The following ADAMTS7 variants were observed in gnomAD, a reference collection of about 807,000 sequenced individuals.
ADAMTS7 encodes the protein A disintegrin and metalloproteinase with thrombospondin motifs 7.
In ADAMTS7, 89 loss-of-function variants were observed where a neutral mutation model predicts 172.6. That is an observed-to-expected ratio of 0.52 (90% CI 0.43 to 0.61). The LOEUF is 0.61. ADAMTS7 is among the 20% of genes least tolerant of loss of function. ADAMTS7 has a pLI of 0.00. For synonymous variants in ADAMTS7, 885 were observed against 978.4 expected (o/e 0.90, Z 1.78); for missense variants, 1,973 against 2,355.6 (o/e 0.84, Z 3.36).
At chr15:78,792,597 C>T (rs543581405) in intron 4 of ADAMTS7, among the ~76,000 whole-genome samples, 48 of 152,334 alleles carry the variant, frequency 3.2e-4, no homozygotes, top group African/African-American at 1.2e-3. Context: ...CCCCTTGCCT[C>T]TGAGGTCAGG....
intron 13 of ADAMTS7, among the ~76,000 whole-genome samples, chr15:78,773,508 C>T (rs1430503843): frequency 6.6e-6 from 1 of 151,738 alleles, no homozygotes; most frequent in African/African-American, 2.4e-5. Flanking sequence ...GGATCTGACA[C>T]GCCACGGGCT....
intron 1 of ADAMTS7, among the ~76,000 whole-genome samples, chr15:78,801,823 G>A (rs944115672): frequency 1.3e-5 from 2 of 151,980 alleles, no homozygotes; most frequent in East Asian, 1.9e-4. Flanking sequence ...GACTACAGGT[G>A]GGTGCCACCA....
At chr15:78,801,192 A>C (rs1394383184) in intron 1 of ADAMTS7, among the ~76,000 whole-genome samples, 2 of 151,972 alleles carry the variant, frequency 1.3e-5, no homozygotes, top group Non-Finnish European at 2.9e-5. Flanking sequence ...TCATCGTCTT[A>C]CTCTACTCAT....
intron 4 of ADAMTS7, among the ~76,000 whole-genome samples, chr15:78,796,362 C>T (rs2055642928): frequency 6.6e-6 from 1 of 152,146 alleles, no homozygotes; most frequent in Non-Finnish European, 1.5e-5. Context: ...TGGCATGACA[C>T]CCTATGGTGT....
rs1596200151 is a variant in ADAMTS7 at position 78,800,401 on chromosome 15, C to G, written c.247G>C (p.Glu83Gln). ...SVRRDAPAFY[E>Q]LQYRGRELRF... ...AGCTCGCGCCCGCGGTATTGTAGCTCGTAGAAGGCGGGCGCGTCTCGGCGC... is the reference window on the plus strand; with the variant it reads ...AGCTCGCGCCCGCGGTATTGTAGCTGGTAGAAGGCGGGCGCGTCTCGGCGC... The change falls in exon 2 of 24, where the codon GAG (glutamate) becomes CAG (glutamine). Residue 83 changes from glutamate to glutamine, a missense_variant. Glu to Gln is a conservative substitution (Grantham distance 29). This residue lies in a region of ADAMTS7 where 306 missense variants were observed against 288.0 expected (regional missense o/e 1.06). Transcript: ENST00000388820. 2.5e-6 allele frequency: 4 copies of G among 1,608,792 alleles called. No homozygotes were observed. Among genetic ancestry groups the G allele is most frequent in the Non-Finnish European group, 2.5e-6 (3 of 1,177,978 alleles).
intron 8 of ADAMTS7, among the ~76,000 whole-genome samples, chr15:78,781,134 G>C (rs1355174371): frequency 6.6e-6 from 1 of 152,210 alleles, no homozygotes; most frequent in Non-Finnish European, 1.5e-5. Context: ...ATGAGAGGGT[G>C]GTCTGTGAGT....
In ADAMTS7 at chr15:78,811,441, C is replaced by G. The variant is rs1403769826; in HGVS notation, c.-221G>C. 8 of 379,770 alleles carry G rather than the reference C, an allele frequency of 2.1e-5. No homozygotes were observed. The East Asian group carries it at 3.3e-4, about 15-fold the overall frequency. 23.5% of individuals were successfully genotyped at this position (379,770 alleles called of 1,614,324 possible). On this transcript the variant is annotated 5_prime_UTR_variant, in exon 1 of 24. Coordinates refer to ENST00000388820, the MANE Select transcript of ADAMTS7 (RefSeq NM_014272.5). Reference sequence around the variant, plus strand: ...CAGAGGCAAAGAAAAGACAAGAGAGCTAGAAGGAGAGAAAGAAAGAAAGAA... The same window carrying G: ...CAGAGGCAAAGAAAAGACAAGAGAGGTAGAAGGAGAGAAAGAAAGAAAGAA...
rs760839323 is a variant in ADAMTS7 at position 78,776,195 on chromosome 15, G to A, written c.1699C>T (p.Gln567Ter). 16 of 1,610,300 alleles carry A rather than the reference G, an allele frequency of 9.9e-6. No homozygotes were observed. Among genetic ancestry groups the A allele is most frequent in the East Asian group, 8.9e-5 (4 of 44,852 alleles). The change falls in exon 11 of 24, where the codon CAG becomes TAG. Residue 567 changes from glutamine (Q) to a stop codon, truncating the protein, a stop_gained. Coordinates refer to ENST00000388820, the MANE Select transcript of ADAMTS7 (RefSeq NM_014272.5). LOFTEE classifies it high-confidence loss of function. ...GVQSAERQCT[Q>*]PTPKYKGRYC... Reference sequence around the variant, plus strand: ...CCTGGGCCCCACACTCACGTAGGCTGCGTGCACTGCCGCTCGGCGCTCTGT... The same window carrying A: ...CCTGGGCCCCACACTCACGTAGGCTACGTGCACTGCCGCTCGGCGCTCTGT...
intron 19 of ADAMTS7, 109 bp downstream of exon 19, chr15:78,765,536 G>A: frequency 1.3e-6 from 2 of 1,534,746 alleles, no homozygotes; most frequent in South Asian, 2.4e-5. Context: ...CCTGCCCCAA[G>A]AGAGGCTAGA....
intron 8 of ADAMTS7, among the ~76,000 whole-genome samples, chr15:78,784,075 A>G (rs2055468563): frequency 6.6e-6 from 1 of 152,144 alleles, no homozygotes; most frequent in Non-Finnish European, 1.5e-5. Context: ...CCCCTAGAAA[A>G]TAGAAACAGG....
intron 1 of ADAMTS7, 102 bp downstream of exon 1, chr15:78,811,019 G>A: frequency 8.6e-7 from 1 of 1,161,904 alleles, no homozygotes; most frequent in East Asian, 3.2e-5. Context: ...AGGCACAGCG[G>A]AGCCGGCGCG....
intron 17 of ADAMTS7, 129 bp from the exon 18 acceptor site, chr15:78,767,721 T>C: frequency 1.2e-6 from 1 of 860,796 alleles, no homozygotes; most frequent in East Asian, 2.7e-5. Flanking sequence ...AGGCCAGTGG[T>C]TGATTCTCCA....
Position 78,759,337 on chromosome 15 carries a change from C to A in ADAMTS7, c.*84G>T. The stretch of plus-strand genomic sequence containing the variant: ...CTGGGTAGTGAGAGGGGGTTAGCAC[C>A]ATTAGGGCGCAGGGGGCGGGAGCTC... On this transcript the variant is annotated 3_prime_UTR_variant, in exon 24 of 24. Coordinates refer to ENST00000388820, the MANE Select transcript of ADAMTS7 (RefSeq NM_014272.5). The A allele has an allele frequency of 7.1e-7, 1 of 1,411,086 alleles. No homozygotes were observed. 87.4% of individuals were successfully genotyped at this position (1,411,086 alleles called of 1,614,324 possible).
intron 7 of ADAMTS7, 40 bp downstream of exon 7, chr15:78,789,649 A>G: frequency 6.2e-7 from 1 of 1,609,030 alleles, no homozygotes; most frequent in Non-Finnish European, 8.5e-7. Context: ...GCGAGGGTGA[A>G]GCTCGGCTCT....
rs140245039 is a variant in ADAMTS7 at position 78,777,582 on chromosome 15, C to A, written c.1329G>T (p.Gly443=). ...RQYITRFLDR[G]WGLCLDDPPA... ...GAGGGTCGTCCAGGCACAGGCCCCA[C>A]CCACGGCTAAAGATGGGACGGGAGG... is the stretch of plus-strand genomic sequence containing the variant. Residue 443 remains glycine (G), a synonymous_variant, in exon 9 of 24, where the codon GGG becomes GGT. Coordinates refer to ENST00000388820, the MANE Select transcript of ADAMTS7 (RefSeq NM_014272.5). The A allele has an allele frequency of 6.2e-7, 1 of 1,604,524 alleles. No individual in the cohort carries two copies. The highest frequency in any genetic ancestry group is 8.5e-7 in the Non-Finnish European group (1 of 1,175,760).
intron 1 of ADAMTS7, among the ~76,000 whole-genome samples, chr15:78,802,644 T>C (rs1596201579): frequency 6.6e-6 from 1 of 152,214 alleles, no homozygotes; most frequent in Non-Finnish European, 1.5e-5. Context: ...TGGATTCTTA[T>C]CCTTTTTTGC....
At chr15:78,805,288 T>C (rs1032525412) in intron 1 of ADAMTS7, among the ~76,000 whole-genome samples, 3 of 152,246 alleles carry the variant, frequency 2.0e-5, no homozygotes, top group Admixed American at 6.5e-5. Flanking sequence ...TTTTTTGGTT[T>C]GTTTTGGCTG....
At position 78,800,517 on chromosome 15, in the gene ADAMTS7, T is replaced by A; in HGVS notation, c.131A>T (p.Asp44Val). 6.2e-7 allele frequency: 1 copy of A among 1,605,128 alleles called. No homozygotes were observed. The highest frequency in any genetic ancestry group is 8.5e-7 in the Non-Finnish European group (1 of 1,176,516). The change falls in exon 2 of 24, where the codon GAC (aspartate) becomes GTC (valine). Residue 44 changes from aspartate (D) to valine (V), a missense_variant. Coordinates refer to ENST00000388820, the MANE Select transcript of ADAMTS7 (RefSeq NM_014272.5). ...GRATEGRAAL[D>V]IVHPVRVDAG... ...GTCGACTCGAACCGGGTGCACGATG[T>A]CCAGTGCCGCCCGGCCCTCGGTTGC...
chr15:78,783,916 C>T (rs2055466609), intron 8 of ADAMTS7, among the ~76,000 whole-genome samples: 1 of 151,470 alleles, frequency 6.6e-6, no homozygotes, highest in African/African-American at 2.4e-5. Flanking sequence ...AAAAAAAAAT[C>T]CAAAATCTAA....
Sources: gnomAD v4.1 joint callset for allele counts (sites outside exome capture counted in the v4.1 genomes callset) on GRCh38, gnomAD v4.1.1 for gene constraint, gnomAD v4.1.1 regional missense constraint, MANE v1.5 for transcripts, NCBI Gene and HGNC (gene_info 2026-07-23, HGNC 2026-07-21) for gene names.